MIPEP: variants seen among roughly 807,000 people sequenced by gnomAD.
MIPEP encodes the protein mitochondrial intermediate peptidase.
MIPEP carries 79 observed loss-of-function variants against 90.3 expected under a neutral mutation model. The observed-to-expected ratio is 0.87, with a 90% confidence interval of 0.73 to 1.05. The LOEUF is 1.05. Among genes scored for constraint, MIPEP ranks in the 50% least tolerant of loss-of-function variants. The probability of loss-of-function intolerance (pLI) is 0.00; values close to 1 mark genes in which losing one functional copy is unlikely to be tolerated. For missense variants in MIPEP, 940 were observed against 905.6 expected, an observed-to-expected ratio of 1.04 and a Z score of -0.49; for synonymous variants, 334 against 315.8, an observed-to-expected ratio of 1.06 and a Z score of -0.61.
chr13:23,848,185 G>A (rs1341983418), intron 10 of MIPEP, among the ~76,000 whole-genome samples: 3 of 152,188 alleles, frequency 2.0e-5, no homozygotes, highest in Admixed American at 1.3e-4. Flanking sequence ...AGAAACACAT[G>A]CAATGAACCT....
At chr13:23,835,967 C>T (rs6490829) in intron 14 of MIPEP, among the ~76,000 whole-genome samples, 150,959 of 152,324 alleles carry the variant, frequency 0.99, 74,834 homozygotes, top group Middle Eastern at 1. Flanking sequence ...GATAAAGTGT[C>T]TTCCTTATGG....
At chr13:23,877,573 T>C (rs1362027786) in intron 4 of MIPEP, among the ~76,000 whole-genome samples, 3 of 152,194 alleles carry the variant, frequency 2.0e-5, no homozygotes, top group Non-Finnish European at 4.4e-5. Context: ...CATTGATACA[T>C]CAGATTTCCA....
chr13:23,834,251 T>TA (rs983947316), intron 14 of MIPEP, among the ~76,000 whole-genome samples: 2 of 152,128 alleles, frequency 1.3e-5, no homozygotes, highest in African/African-American at 4.8e-5. Flanking sequence ...TTTCTTGAAG[T>TA]AAAAATTTGA....
intron 16 of MIPEP, among the ~76,000 whole-genome samples, chr13:23,795,691 A>C (rs1952950173): frequency 6.6e-6 from 1 of 152,190 alleles, no homozygotes; most frequent in African/African-American, 2.4e-5. Context: ...AAAGTTGTAA[A>C]GTCACCCATG....
intron 5 of MIPEP, 23 bp downstream of exon 5, chr13:23,874,822 CA>C: frequency 6.4e-6 from 10 of 1,567,014 alleles, no homozygotes; most frequent in South Asian, 3.6e-5. Context: ...CTGGAAGAGT[CA>C]AAAAAACAGC....
chr13:23,886,525 G>A lies in MIPEP; in HGVS notation c.190-19C>T, dbSNP rs377172209. The A allele has an allele frequency of 4.6e-5, 70 of 1,514,428 alleles. 1 individual carries two copies. Among genetic ancestry groups the A allele is most frequent in the East Asian group, 3.4e-4 (14 of 41,454 alleles). The allele number at this position is 1,514,428 out of a possible 1,614,324, so 93.8% of individuals were successfully genotyped here. A position where few individuals can be genotyped will look rare whatever the true frequency, so the allele number is the denominator to read the frequency against. On this transcript the variant is annotated intron_variant, in intron 1 of 18. Coordinates refer to ENST00000382172, the MANE Select transcript of MIPEP (RefSeq NM_005932.4). ...AAAGACCCTTAGAACCAAAGAATACGTCTGATTTATAACCAAAATTCAAAA... is the reference window on the plus strand; with the variant it reads ...AAAGACCCTTAGAACCAAAGAATACATCTGATTTATAACCAAAATTCAAAA...
intron 7 of MIPEP, 74 bp downstream of exon 7, chr13:23,869,218 C>A (rs1870669834): frequency 7.7e-7 from 1 of 1,302,718 alleles, no homozygotes; most frequent in Non-Finnish European, 1.0e-6. Context: ...CACTAATTTA[C>A]AGCTATTTAA....
At chr13:23,854,882 A>G (rs1869981159) in intron 10 of MIPEP, among the ~76,000 whole-genome samples, 1 of 139,176 alleles carries the variant, frequency 7.2e-6, no homozygotes, top group African/African-American at 2.8e-5. Flanking sequence ...ACAGAGGAAG[A>G]TTCTGTCTCA....
At chr13:23,745,482 C>T (rs562049529) in intron 18 of MIPEP, among the ~76,000 whole-genome samples, 12 of 152,306 alleles carry the variant, frequency 7.9e-5, no homozygotes, top group African/African-American at 2.4e-4. Flanking sequence ...AATTCTTCAA[C>T]TAAAATCTGC....
intron 18 of MIPEP, among the ~76,000 whole-genome samples, chr13:23,747,876 G>T (rs1324197649): frequency 6.6e-6 from 1 of 152,176 alleles, no homozygotes; most frequent in Non-Finnish European, 1.5e-5. Context: ...GACTAGCTGG[G>T]ACTACCGGCG....
At chr13:23,773,800 GT>G (rs1191199317) in intron 16 of MIPEP, among the ~76,000 whole-genome samples, 1 of 152,112 alleles carries the variant, frequency 6.6e-6, no homozygotes, top group Non-Finnish European at 1.5e-5. Context: ...TTTAAAATGG[GT>G]TGCTTTTCTA....
At chr13:23,888,935 G>C (rs576267684) in intron 1 of MIPEP, 197 bp downstream of exon 1, 10 of 532,504 alleles carry the variant, frequency 1.9e-5, no homozygotes, top group African/African-American at 5.9e-5. Context: ...CTGGGTAGGA[G>C]ACCACTAAAC....
chr13:23,757,959 G>GA (rs1157507256), intron 17 of MIPEP, among the ~76,000 whole-genome samples: 3 of 152,174 alleles, frequency 2.0e-5, no homozygotes, highest in Non-Finnish European at 4.4e-5. Flanking sequence ...TTCCATTTGA[G>GA]AAGCTCTGGA....
rs924556547 is a variant in MIPEP, at chr13:23,788,606, G to A, written c.1848+17344C>T. 3.9e-5 allele frequency among the ~76,000 whole-genome samples: 6 copies of A among 152,334 alleles called. No homozygotes were observed. The East Asian group carries it at 5.8e-4, about 15-fold the overall frequency. On this transcript the variant is annotated intron_variant, in intron 16 of 18. Coordinates refer to ENST00000382172, the MANE Select transcript of MIPEP (RefSeq NM_005932.4). ...AAATAACTGCAAGGGGCATGAAAGT[G>A]CAATTCTACCATGGGGCAGAGATAG...
At chr13:23,797,315 C>CCT (rs1952973388) in intron 16 of MIPEP, among the ~76,000 whole-genome samples, 1 of 152,184 alleles carries the variant, frequency 6.6e-6, no homozygotes, top group East Asian at 1.9e-4. Flanking sequence ...TGCTCTGTCT[C>CCT]CTGGGCTGTG....
At chr13:23,756,796 A>G (rs929831397) in intron 17 of MIPEP, 178 bp from the exon 18 acceptor site, 16 of 602,668 alleles carry the variant, frequency 2.7e-5, no homozygotes, top group Non-Finnish European at 4.1e-5. Flanking sequence ...ATTGTTCTAA[A>G]ATAAATTAAA....
intron 15 of MIPEP, among the ~76,000 whole-genome samples, chr13:23,808,933 C>A (rs1230455647): frequency 6.6e-6 from 1 of 152,162 alleles, no homozygotes; most frequent in Non-Finnish European, 1.5e-5. Flanking sequence ...CTTTGTTAAA[C>A]AGGTAACTGA....
At position 23,799,013 on chromosome 13, in the gene MIPEP, T is replaced by TG. The variant is rs1366306317; in HGVS notation, c.1848+6936_1848+6937insC. 6.2e-4 allele frequency among the ~76,000 whole-genome samples: 88 copies of TG among 141,444 alleles called. 1 individual carries two copies. The East Asian group carries it at 9.3e-3, about 15-fold the overall frequency. The allele number at this position is 141,444 out of a possible 152,430, so 92.8% of individuals were successfully genotyped here. A position where few individuals can be genotyped will look rare whatever the true frequency, so the allele number is the denominator to read the frequency against. On this transcript the variant is annotated intron_variant, in intron 16 of 18. Coordinates refer to ENST00000382172, the MANE Select transcript of MIPEP (RefSeq NM_005932.4). ...ATAATTTTTTTGGTTTTTTTTTTTT[T>TG]TTTTTTTTTTGACAGAGTCTTGCTC...
Position 23,809,876 on chromosome 13 carries a change from A to C in MIPEP, c.1702T>G (p.Cys568Gly). Residue 568 changes from cysteine (C) to glycine (G), a missense_variant, in exon 15 of 19, where the codon TGT (cysteine) becomes GGT (glycine). Transcript: ENST00000382172. ...VSRLCESKKV[C>G]AAADMQLQVF... ...TGAAGTTGCATATCAGCTGCAGCAC[A>C]AACCTTTTTAGATTCACAAAGACGA... 6.2e-7 allele frequency: 1 copy of C among 1,613,760 alleles called. No homozygotes were observed. The highest frequency in any genetic ancestry group is 8.5e-7 in the Non-Finnish European group (1 of 1,179,770).
Sources: gnomAD v4.1 joint callset for allele counts (sites outside exome capture counted in the v4.1 genomes callset) on GRCh38, gnomAD v4.1.1 for gene constraint, MANE v1.5 for transcripts, NCBI Gene and HGNC (gene_info 2026-07-23, HGNC 2026-07-21) for gene names.